BAZ2B: variants seen among roughly 807,000 people sequenced by gnomAD.
The protein encoded by BAZ2B is bromodomain adjacent to zinc finger domain protein 2B.
BAZ2B carries 91 observed loss-of-function variants against 246.0 expected under a neutral mutation model. The observed-to-expected ratio is 0.37, with a 90% CI of 0.31 to 0.44. The LOEUF is 0.44. BAZ2B is among the 20% of genes least tolerant of loss of function. The pLI is 1.00. For synonymous variants in BAZ2B, 855 were observed against 860.0 expected (o/e 0.99, Z 0.10); for missense variants, 2,332 against 2,533.7 (o/e 0.92, Z 1.71).
At chr2:159,386,923 T>C (rs1490809551) in intron 21 of BAZ2B, among the ~76,000 whole-genome samples, 2 of 152,150 alleles carry the variant, frequency 1.3e-5, no homozygotes, top group African/African-American at 2.4e-5. Flanking sequence ...GACATATCCA[T>C]ATTAACAAAA....
the BAZ2B span, among the ~76,000 whole-genome samples, chr2:159,631,895 T>C: frequency 6.6e-6 from 1 of 151,954 alleles, no homozygotes; most frequent in South Asian, 2.1e-4. Context: ...TGTGTATATA[T>C]ATATATGTAC....
intron 14 of BAZ2B, among the ~76,000 whole-genome samples, chr2:159,409,669 CA>C (rs1164186933): frequency 6.6e-6 from 1 of 151,982 alleles, no homozygotes; most frequent in African/African-American, 2.4e-5. Flanking sequence ...AAAGTGTTAC[CA>C]AAGAAGGCTT....
chr2:159,376,396 C>A (rs555981163), intron 25 of BAZ2B, among the ~76,000 whole-genome samples: 1 of 151,690 alleles, frequency 6.6e-6, no homozygotes, highest in Admixed American at 6.6e-5. Context: ...GGCTACTACC[C>A]AATGAAAAAA....
chr2:159,515,795 T>A (rs1469230055), intron 2 of BAZ2B, among the ~76,000 whole-genome samples: 1 of 152,132 alleles, frequency 6.6e-6, no homozygotes, highest in East Asian at 1.9e-4. Flanking sequence ...CATAAGGATC[T>A]CTTTGCTAAT....
chr2:159,689,861 T>A, the BAZ2B span: 1 of 461,308 alleles, frequency 2.2e-6, no homozygotes, highest in African/African-American at 2.1e-5. Flanking sequence ...GTACTGAGCA[T>A]AAGAGGTCAT....
At chr2:159,588,738 C>T (rs1376156195) in intron 1 of BAZ2B, among the ~76,000 whole-genome samples, 1 of 152,146 alleles carries the variant, frequency 6.6e-6, no homozygotes, top group African/African-American at 2.4e-5. Flanking sequence ...AGGTGAGAAC[C>T]ATTGCTTAGC....
chr2:159,346,046 T>C (rs1013436152), intron 31 of BAZ2B, among the ~76,000 whole-genome samples: 7 of 152,184 alleles, frequency 4.6e-5, no homozygotes, highest in African/African-American at 1.7e-4. Flanking sequence ...GAAAATAAAA[T>C]AGTGTGAAAG....
Position 159,550,918 on chromosome 2 carries a change from C to T in BAZ2B, c.-3+4905G>A, listed in dbSNP as rs374633871. ...TGGTACAATCTTGGCTTACTGCAGCCTTGAACTCCTGGACTCAAGCAATCC... is the reference window on the plus strand; with the variant it reads ...TGGTACAATCTTGGCTTACTGCAGCTTTGAACTCCTGGACTCAAGCAATCC... On this transcript the variant is annotated intron_variant, in intron 2 of 36. Coordinates refer to ENST00000392783, the MANE Select transcript of BAZ2B (RefSeq NM_013450.4). 2.6e-3 allele frequency among the ~76,000 whole-genome samples: 402 copies of T among 152,252 alleles called. 26 individuals carry two copies. The South Asian group carries it at 0.08, about 30-fold the overall frequency.
At chr2:159,710,134 G>A in the BAZ2B span, among the ~76,000 whole-genome samples, 2 of 151,914 alleles carry the variant, frequency 1.3e-5, no homozygotes, top group Non-Finnish European at 2.9e-5. Flanking sequence ...ACTTTGTGAC[G>A]ATTTTTAGTT....
chr2:159,324,770 G>A, intron 36 of BAZ2B, 41 bp downstream of exon 36: 3 of 1,330,502 alleles, frequency 2.3e-6, no homozygotes, highest in Non-Finnish European at 2.0e-6. Context: ...CATATATCAG[G>A]TATTCAATAA....
At chr2:159,587,768 C>T (rs759564101) in intron 1 of BAZ2B, among the ~76,000 whole-genome samples, 61 of 152,086 alleles carry the variant, frequency 4.0e-4, no homozygotes, top group African/African-American at 1.4e-3. Flanking sequence ...TACTAGTCTG[C>T]GAACAGAAAG....
intron 3 of BAZ2B, 110 bp from the exon 4 acceptor site, chr2:159,453,911 A>G (rs2075399433): frequency 1.0e-6 from 1 of 989,010 alleles, no homozygotes; most frequent in Non-Finnish European, 1.3e-6. Context: ...TTACATTTTT[A>G]TTTTACCCTT....
chr2:159,709,204 A>G, the BAZ2B span, among the ~76,000 whole-genome samples: 2 of 151,770 alleles, frequency 1.3e-5, no homozygotes, highest in Non-Finnish European at 2.9e-5. Flanking sequence ...CTGTAATCCC[A>G]GCACACTGGG....
the BAZ2B span, among the ~76,000 whole-genome samples, chr2:159,627,567 C>A: frequency 6.6e-6 from 1 of 152,086 alleles, no homozygotes; most frequent in Non-Finnish European, 1.5e-5. Context: ...ATGACAAAAA[C>A]CACATGATTA....
chr2:159,580,852 C>G (rs1441906343), intron 1 of BAZ2B, among the ~76,000 whole-genome samples: 1 of 152,138 alleles, frequency 6.6e-6, no homozygotes, highest in Non-Finnish European at 1.5e-5. Flanking sequence ...GTTGGGAAAA[C>G]TGGCTAGCCA....
At chr2:159,379,311 ATGG>A (rs2061728627) in intron 25 of BAZ2B, among the ~76,000 whole-genome samples, 1 of 152,112 alleles carries the variant, frequency 6.6e-6, no homozygotes, top group Non-Finnish European at 1.5e-5. Flanking sequence ...AGAGAGTAGA[ATGG>A]TGGTTGCCAG....
At chr2:159,691,830 GATGATAAGT>G in the BAZ2B span, among the ~76,000 whole-genome samples, 4 of 152,202 alleles carry the variant, frequency 2.6e-5, no homozygotes, top group Non-Finnish European at 4.4e-5. Flanking sequence ...CTCATCTGGA[GATGATAAGT>G]ATCATAAGGA....
the BAZ2B span, among the ~76,000 whole-genome samples, chr2:159,680,529 A>T: frequency 1.3e-5 from 2 of 152,212 alleles, no homozygotes; most frequent in African/African-American, 2.4e-5. Context: ...ACTGAAGAGT[A>T]ATATAAATTA....
At chr2:159,540,469 C>T (rs545385719) in intron 2 of BAZ2B, among the ~76,000 whole-genome samples, 1 of 152,340 alleles carries the variant, frequency 6.6e-6, no homozygotes, top group Admixed American at 6.5e-5. Context: ...CCTCAGGGCA[C>T]ACACTAGCTG....
Sources: allele counts gnomAD v4.1 joint callset (sites outside exome capture counted in the v4.1 genomes callset), GRCh38; gene constraint gnomAD v4.1.1; transcripts MANE v1.5; gene names NCBI Gene and HGNC (gene_info 2026-07-23, HGNC 2026-07-21).